Variants in MARCHF10 observed in about 807,000 individuals in gnomAD.
The protein encoded by MARCHF10 is probable E3 ubiquitin-protein ligase MARCHF10.
In MARCHF10, 64 loss-of-function variants were observed where a neutral mutation model predicts 76.2. The ratio of observed to expected loss-of-function variants is 0.84; its 90% CI spans 0.69 to 1.03. The LOEUF (loss-of-function observed/expected upper bound fraction) is 1.03. Among genes scored for constraint, MARCHF10 ranks in the 50% least tolerant of loss-of-function variants. The pLI, the probability that MARCHF10 is intolerant of heterozygous loss-of-function variation, is 0.00. For synonymous variants in MARCHF10, 340 were observed against 357.5 expected (o/e 0.95, Z 0.55); for missense variants, 875 against 958.0 (o/e 0.91, Z 1.14).
chr17:62,708,243 CT>C (rs60147578), intron 9 of MARCHF10, among the ~76,000 whole-genome samples: 87 of 144,534 alleles, frequency 6.0e-4, no homozygotes, highest in Middle Eastern at 3.7e-3. Context: ...AAAGTAGGTT[CT>C]TTTTTTTTTT....
In MARCHF10 at chr17:62,712,619, AG is replaced by A. The variant is rs539057184; in HGVS notation, c.2215-1276del. Among the ~76,000 whole-genome samples, 85 of 152,304 alleles carry A rather than the reference AG, an allele frequency of 5.6e-4. 1 individual carries two copies. The South Asian group carries it at 0.018, about 32-fold the overall frequency. ...CACCATTCTACAGATCCATCTTCGA[AG>A]GCCCCAGTCCTCTGTCCTTAGCAGT... On this transcript the variant is annotated intron_variant, in intron 8 of 10. Coordinates refer to ENST00000311269, the MANE Select transcript of MARCHF10 (RefSeq NM_152598.4). This position sits in a 1 kb window ranked among gnomAD's most constrained non-coding sequence, Gnocchi z 4.2.
intron 3 of MARCHF10, among the ~76,000 whole-genome samples, chr17:62,760,621 C>T (rs946494271): frequency 8.5e-5 from 13 of 152,126 alleles, no homozygotes; most frequent in African/African-American, 1.2e-4. Flanking sequence ...ACAGCCATGC[C>T]GACGCAATAA....
intron 3 of MARCHF10, among the ~76,000 whole-genome samples, chr17:62,773,816 A>T (rs151066064): frequency 3.4e-4 from 52 of 152,326 alleles, no homozygotes; most frequent in African/African-American, 1.3e-3. Context: ...TTGACCAAAG[A>T]AGCGGGGCAG....
intron 3 of MARCHF10, among the ~76,000 whole-genome samples, chr17:62,778,787 A>G (rs2092601825): frequency 6.6e-6 from 1 of 152,056 alleles, no homozygotes. Flanking sequence ...GTCAGGTTTC[A>G]GTGTTTGATT....
At chr17:62,797,928 G>C (rs143222581) in intron 2 of MARCHF10, among the ~76,000 whole-genome samples, 114 of 152,216 alleles carry the variant, frequency 7.5e-4, no homozygotes, top group African/African-American at 2.7e-3. Flanking sequence ...GGCAGGACTT[G>C]GTAACTGGTG....
intron 4 of MARCHF10, among the ~76,000 whole-genome samples, chr17:62,751,856 AC>A (rs2091906631): frequency 6.6e-6 from 1 of 152,106 alleles, no homozygotes; most frequent in Admixed American, 6.5e-5. Context: ...CCCCATCTCT[AC>A]TAAAAATACA....
At chr17:62,746,557 T>C (rs1568151941) in intron 4 of MARCHF10, among the ~76,000 whole-genome samples, 2 of 152,030 alleles carry the variant, frequency 1.3e-5, no homozygotes, top group African/African-American at 2.4e-5. Context: ...AAAAGTTGCA[T>C]TCCTTGAACA....
At chr17:62,702,652 C>T (rs577421847) in intron 10 of MARCHF10, among the ~76,000 whole-genome samples, 28 of 151,584 alleles carry the variant, frequency 1.8e-4, no homozygotes, top group Admixed American at 1.3e-3. Flanking sequence ...GGTGACAGAG[C>T]GAGACTCCAT....
chr17:62,701,736 A>G lies in MARCHF10; in HGVS notation c.2394T>C (p.Asn798=). The part of the protein sequence containing the change: ...ENENSELGDG[N]EGSISQSQVV ...CCTGGCTTTGAGAAATGCTGCCTTC[A>G]TTTCCATCTCCCAACTCCGAATCTG... Residue 798 remains asparagine (N), a synonymous_variant, in exon 11 of 11, where the codon AAT becomes AAC. Transcript: ENST00000311269. 1 of 1,614,144 alleles carries G rather than the reference A, an allele frequency of 6.2e-7. No individual in the cohort carries two copies. Among genetic ancestry groups the G allele is most frequent in the South Asian group, 1.1e-5 (1 of 91,080 alleles).
At chr17:62,774,988 A>G (rs2092521042) in intron 3 of MARCHF10, among the ~76,000 whole-genome samples, 1 of 151,838 alleles carries the variant, frequency 6.6e-6, no homozygotes, top group African/African-American at 2.4e-5. Flanking sequence ...TCGGAGGCGG[A>G]GGTTGCAGTG....
At chr17:62,759,418 C>T (rs2092134299) in intron 4 of MARCHF10, among the ~76,000 whole-genome samples, 1 of 152,192 alleles carries the variant, frequency 6.6e-6, no homozygotes, top group African/African-American at 2.4e-5. Flanking sequence ...CCTTTCGAAA[C>T]CTGAATTAGC....
At chr17:62,717,310 C>T (rs1568104067) in intron 8 of MARCHF10, among the ~76,000 whole-genome samples, 1 of 152,226 alleles carries the variant, frequency 6.6e-6, no homozygotes, top group South Asian at 2.1e-4. Flanking sequence ...CCCCACAGGG[C>T]GGGCCTGGCA....
chr17:62,803,561 C>G (rs541068642), intron 1 of MARCHF10, among the ~76,000 whole-genome samples: 2 of 152,204 alleles, frequency 1.3e-5, no homozygotes, highest in Non-Finnish European at 2.9e-5. Flanking sequence ...GCTCTGTCGC[C>G]CAGGCTGGAG....
At chr17:62,703,856 G>A (rs1041159243) in intron 10 of MARCHF10, among the ~76,000 whole-genome samples, 3 of 152,234 alleles carry the variant, frequency 2.0e-5, no homozygotes, top group African/African-American at 7.2e-5. Flanking sequence ...CCCTGGGGCC[G>A]GGGCTCAAGG....
At chr17:62,789,092 A>C (rs952499231) in intron 2 of MARCHF10, among the ~76,000 whole-genome samples, 6 of 151,664 alleles carry the variant, frequency 4.0e-5, no homozygotes, top group African/African-American at 1.2e-4. Flanking sequence ...AAAAAAAAAA[A>C]AACGCAGGTC....
chr17:62,719,726 C>T (rs2090389305), intron 8 of MARCHF10, among the ~76,000 whole-genome samples: 1 of 151,940 alleles, frequency 6.6e-6, no homozygotes, highest in African/African-American at 2.4e-5. Flanking sequence ...GGGAAATTCT[C>T]AGTCATTATT....
At chr17:62,788,168 G>A (rs996601178) in intron 3 of MARCHF10, among the ~76,000 whole-genome samples, 2 of 152,160 alleles carry the variant, frequency 1.3e-5, no homozygotes, top group African/African-American at 4.8e-5. Flanking sequence ...TTATAGAGTT[G>A]CAGCATTTCT....
At chr17:62,732,229 A>C (rs74819408) in intron 6 of MARCHF10, among the ~76,000 whole-genome samples, 2,996 of 152,322 alleles carry the variant, frequency 0.02, 39 homozygotes, top group Middle Eastern at 0.048. Context: ...CTATAGATTA[A>C]ATGCAATTCC....
At chr17:62,737,429 G>T in intron 5 of MARCHF10, 97 bp from the exon 6 acceptor site, 1 of 1,107,038 alleles carries the variant, frequency 9.0e-7, no homozygotes, top group Non-Finnish European at 1.3e-6. Context: ...AAATGCAACA[G>T]ACAAGACCTA....
Sources: allele counts gnomAD v4.1 joint callset (sites outside exome capture counted in the v4.1 genomes callset), GRCh38; gene constraint gnomAD v4.1.1; non-coding constraint Gnocchi (gnomAD v3.1); transcripts MANE v1.5; gene names NCBI Gene and HGNC (gene_info 2026-07-23, HGNC 2026-07-21).